UBE2W: variants seen among roughly 807,000 people sequenced by gnomAD.
UBE2W encodes ubiquitin-conjugating enzyme E2 W.
A neutral mutation model predicts 27.2 loss-of-function variants in UBE2W; 18 were observed. The ratio of observed to expected loss-of-function variants is 0.66; its 90% confidence interval spans 0.46 to 0.98. The LOEUF (loss-of-function observed/expected upper bound fraction) is 0.98. Among genes scored for constraint, UBE2W ranks in the 50% least tolerant of loss-of-function variants. The pLI, the probability that UBE2W is intolerant of heterozygous loss-of-function variation, is 0.00. For missense variants in UBE2W, 90 were observed against 180.2 expected (o/e 0.50, Z 2.87); for synonymous variants, 53 against 57.2 (o/e 0.93, Z 0.33).
At chr8:73,843,447 A>C (rs1810629530) in intron 1 of UBE2W, among the ~76,000 whole-genome samples, 3 of 152,176 alleles carry the variant, frequency 2.0e-5, no homozygotes, top group Admixed American at 6.5e-5. Flanking sequence ...AACCTGGGCC[A>C]CACAGCGAGA....
chr8:73,791,257 C>T lies in UBE2W; in HGVS notation c.*2845G>A. ...TCTAAACCTATGGCATTAATCCCTA[C>T]TTGACCAAAGAAAAAAAAAAAAAAG... On this transcript the variant is annotated 3_prime_UTR_variant, in exon 6 of 6. Transcript: ENST00000602593. The T allele has an allele frequency of 1.0e-6, 1 of 977,594 alleles. No individual in the cohort carries two copies. The highest frequency in any genetic ancestry group is 1.9e-5 in the African/African-American group (1 of 52,858). 60.6% of individuals were successfully genotyped at this position (977,594 alleles called of 1,614,324 possible). A position where few individuals can be genotyped will look rare whatever the true frequency, so the allele number is the denominator to read the frequency against.
At position 73,789,158 on chromosome 8, in the gene UBE2W, T is replaced by C. The variant is rs1808084114; in HGVS notation, c.*4944A>G. On this transcript the variant is annotated 3_prime_UTR_variant, in exon 6 of 6. Coordinates refer to ENST00000602593, the MANE Select transcript of UBE2W (RefSeq NM_018299.6). ...TTCTATGTGCCTCTAATGATAATGATGTACATAAACCTGTCTTAAATCGGC... is the reference window on the plus strand; with the variant it reads ...TTCTATGTGCCTCTAATGATAATGACGTACATAAACCTGTCTTAAATCGGC... 17 of 984,894 alleles carry C rather than the reference T, an allele frequency of 1.7e-5. No homozygotes were observed. Among genetic ancestry groups the C allele is most frequent in the Non-Finnish European group, 1.9e-5 (16 of 829,790 alleles). The allele number at this position is 984,894 out of a possible 1,614,324, so 61.0% of individuals were successfully genotyped here.
intron 1 of UBE2W, among the ~76,000 whole-genome samples, chr8:73,869,996 G>A (rs1394027160): frequency 1.3e-5 from 2 of 152,180 alleles, no homozygotes; most frequent in Admixed American, 1.3e-4. Flanking sequence ...CCAGACACTG[G>A]GGAAAGGGGG....
At chr8:73,797,839 A>G (rs1460747765) in intron 5 of UBE2W, among the ~76,000 whole-genome samples, 1 of 152,192 alleles carries the variant, frequency 6.6e-6, no homozygotes, top group African/African-American at 2.4e-5. Flanking sequence ...ACCAATCTTC[A>G]ACAAACAGGA....
downstream of UBE2W, among the ~76,000 whole-genome samples, chr8:73,783,349 G>A (rs973090063): frequency 6.6e-6 from 1 of 152,086 alleles, no homozygotes; most frequent in Non-Finnish European, 1.5e-5. Flanking sequence ...TCTCAATTTA[G>A]GTCTATGATT....
intron 3 of UBE2W, among the ~76,000 whole-genome samples, chr8:73,813,128 C>T (rs1007379025): frequency 2.2e-5 from 2 of 89,452 alleles, no homozygotes; most frequent in Non-Finnish European, 4.6e-5. Context: ...GCCAAATTAT[C>T]TTCTTTGGCA....
intron 1 of UBE2W, among the ~76,000 whole-genome samples, chr8:73,847,780 T>G (rs558319621): frequency 6.6e-6 from 1 of 152,114 alleles, no homozygotes; most frequent in East Asian, 1.9e-4. Flanking sequence ...CAGGCACCTG[T>G]AATCCCAGCT....
intron 1 of UBE2W, among the ~76,000 whole-genome samples, chr8:73,864,378 C>G (rs1394053421): frequency 6.6e-6 from 1 of 152,064 alleles, no homozygotes; most frequent in Non-Finnish European, 1.5e-5. Flanking sequence ...GAGACTGTCT[C>G]TAAAAAAATT....
chr8:73,792,013 A>C lies in UBE2W; in HGVS notation c.*2089T>G. ...AATGTCACCGGTCATTTCTTTATAAAAGCATTTTGGTAAGAGAACCAGCAA... is the reference window on the plus strand; with the variant it reads ...AATGTCACCGGTCATTTCTTTATAACAGCATTTTGGTAAGAGAACCAGCAA... On this transcript the variant is annotated 3_prime_UTR_variant, in exon 6 of 6. Coordinates refer to ENST00000602593, the MANE Select transcript of UBE2W (RefSeq NM_018299.6). The C allele has an allele frequency of 1.0e-6, 1 of 985,308 alleles. No individual in the cohort carries two copies. Among genetic ancestry groups the C allele is most frequent in the Non-Finnish European group, 1.2e-6 (1 of 829,816 alleles). 61.0% of individuals were successfully genotyped at this position (985,308 alleles called of 1,614,324 possible). A position where few individuals can be genotyped will look rare whatever the true frequency, so the allele number is the denominator to read the frequency against.
intron 4 of UBE2W, among the ~76,000 whole-genome samples, chr8:73,808,077 T>C (rs58857949): frequency 0.031 from 4,777 of 152,172 alleles, 227 homozygotes; most frequent in African/African-American, 0.1. Flanking sequence ...TAAAAGGAAA[T>C]TGGAATAGAA....
rs1808048829 is a variant in UBE2W at position 73,788,314 on chromosome 8, T to C, written c.*5788A>G. The C allele has an allele frequency of 1.0e-6, 1 of 985,156 alleles. No individual in the cohort carries two copies. Among genetic ancestry groups the C allele is most frequent in the Non-Finnish European group, 1.2e-6 (1 of 829,640 alleles). 61.0% of individuals were successfully genotyped at this position (985,156 alleles called of 1,614,324 possible). On this transcript the variant is annotated 3_prime_UTR_variant, in exon 6 of 6. Coordinates refer to ENST00000602593, the MANE Select transcript of UBE2W (RefSeq NM_018299.6). ...TTGCAACTTGAGTTTATAAAATATA[T>C]ACATCCACCCTATTCAAATCCTCAA...
chr8:73,800,948 C>T (rs745467990), intron 5 of UBE2W, among the ~76,000 whole-genome samples: 22 of 151,998 alleles, frequency 1.4e-4, no homozygotes, highest in Non-Finnish European at 2.8e-4. Context: ...CAAAATTAGC[C>T]GGGCGTGGTG....
chr8:73,817,154 T>C (rs1009782867), intron 3 of UBE2W, among the ~76,000 whole-genome samples: 1 of 151,218 alleles, frequency 6.6e-6, no homozygotes, highest in Non-Finnish European at 1.5e-5. Flanking sequence ...TGAAACCCCA[T>C]TTCTAACTAA....
chr8:73,797,438 T>C (rs150275899), intron 5 of UBE2W, among the ~76,000 whole-genome samples: 15 of 152,294 alleles, frequency 9.8e-5, no homozygotes, highest in African/African-American at 3.6e-4. Context: ...TATTTCAAAG[T>C]AGGCAGACAA....
intron 1 of UBE2W, among the ~76,000 whole-genome samples, chr8:73,837,788 C>A (rs992397131): frequency 2.6e-5 from 4 of 152,182 alleles, no homozygotes. Flanking sequence ...TTAACACCTA[C>A]CCCAAAACAC....
At chr8:73,850,725 T>TAAAAAATAAAAAAA (rs1811038389) in intron 1 of UBE2W, among the ~76,000 whole-genome samples, 1 of 63,590 alleles carries the variant, frequency 1.6e-5, no homozygotes, top group African/African-American at 5.7e-5. Context: ...AGCAGGACAT[T>TAAAAAATAAAAAAA]AAAAAAAAAA....
At chr8:73,866,318 T>TATATATAC (rs1404182551) in intron 1 of UBE2W, among the ~76,000 whole-genome samples, 1 of 126,006 alleles carries the variant, frequency 7.9e-6, no homozygotes, top group Non-Finnish European at 1.7e-5. Context: ...TATATATATA[T>TATATATAC]ACTCAGCAAT....
At chr8:73,834,638 G>A (rs533794616) in intron 1 of UBE2W, among the ~76,000 whole-genome samples, 1 of 152,202 alleles carries the variant, frequency 6.6e-6, no homozygotes, top group Non-Finnish European at 1.5e-5. Flanking sequence ...GCCAGGCACA[G>A]TGGCTCAAGC....
At chr8:73,835,556 A>G (rs1810274491) in intron 1 of UBE2W, among the ~76,000 whole-genome samples, 1 of 152,146 alleles carries the variant, frequency 6.6e-6, no homozygotes, top group South Asian at 2.1e-4. Context: ...CAGCCTGACT[A>G]ATATGGTGAA....
Sources: allele counts gnomAD v4.1 joint callset (sites outside exome capture counted in the v4.1 genomes callset), GRCh38; gene constraint gnomAD v4.1.1; transcripts MANE v1.5; gene names NCBI Gene and HGNC (gene_info 2026-07-23, HGNC 2026-07-21).